PTPRJ: variants seen among roughly 807,000 people sequenced by gnomAD.
PTPRJ encodes protein tyrosine phosphatase receptor type J.
In PTPRJ, 129 loss-of-function variants were observed where a neutral mutation model predicts 141.3. That is an observed-to-expected ratio of 0.91 (90% CI 0.79 to 1.06). PTPRJ has a LOEUF of 1.06. Among genes scored for constraint, PTPRJ ranks in the 50% least tolerant of loss-of-function variants. The pLI is 0.00. For missense variants in PTPRJ, 1,601 were observed against 1,679.7 expected, an observed-to-expected ratio of 0.95 and a Z score of 0.82; for synonymous variants, 610 against 640.5, an observed-to-expected ratio of 0.95 and a Z score of 0.72.
intron 1 of PTPRJ, among the ~76,000 whole-genome samples, chr11:48,066,010 G>A (rs749634741): frequency 1.3e-5 from 2 of 152,160 alleles, no homozygotes; most frequent in African/African-American, 2.4e-5. Context: ...AGCTGGGCAC[G>A]GTGGTGTGCA....
rs1050989335 is a variant in PTPRJ, at chr11:47,981,002, G to T, written c.90G>T (p.Leu30=). Residue 30 remains leucine, a synonymous_variant, in exon 1 of 25, where the codon CTG becomes CTT. Coordinates refer to ENST00000418331, the MANE Select transcript of PTPRJ (RefSeq NM_002843.4). ...CGCTGCTGCTGCTGCTGCTGCGCCT[G>T]GGCCAGGTAAGCGCCGGGTGGGCTC... ...ALPLLLLLLR[L]GQILCAGGTP... 39 of 1,214,274 alleles carry T rather than the reference G, an allele frequency of 3.2e-5. No homozygotes were observed. The highest frequency in any genetic ancestry group is 4.4e-5 in the Admixed American group (1 of 22,968). The allele number at this position is 1,214,274 out of a possible 1,614,324, so 75.2% of individuals were successfully genotyped here.
At chr11:48,144,954 T>A (rs777969197) in intron 13 of PTPRJ, 46 bp from the exon 14 acceptor site, 8 of 1,614,142 alleles carry the variant, frequency 5.0e-6, no homozygotes, top group Admixed American at 3.3e-5. Flanking sequence ...ATGCCTGCGG[T>A]CAGACACGTC....
At chr11:48,105,088 A>G (rs753223232) in intron 1 of PTPRJ, among the ~76,000 whole-genome samples, 141 of 152,194 alleles carry the variant, frequency 9.3e-4, no homozygotes, top group Non-Finnish European at 1.4e-3. Context: ...TAATAAGTAG[A>G]ATGGAACAGC....
At chr11:48,027,360 GAT>G (rs1853844884) in intron 1 of PTPRJ, among the ~76,000 whole-genome samples, 1 of 151,986 alleles carries the variant, frequency 6.6e-6, no homozygotes, top group Non-Finnish European at 1.5e-5. Flanking sequence ...AAGAACCCAG[GAT>G]ATAGAGTCTT....
chr11:48,137,094 C>T lies in PTPRJ; in HGVS notation c.1965C>T (p.Tyr655=). 6.2e-7 allele frequency: 1 copy of T among 1,607,106 alleles called. No individual in the cohort carries two copies. The highest frequency in any genetic ancestry group is 8.5e-7 in the Non-Finnish European group (1 of 1,173,582). The change falls in exon 10 of 25, where the codon TAC becomes TAT. Residue 655 remains tyrosine (Y), a synonymous_variant. Transcript: ENST00000418331. The stretch of plus-strand genomic sequence containing the variant: ...ACTTTGATGACGCCTCTCCCACGTA[C>T]TCCTACTGCCTTCTTATTGAGAAGG... ...WQNFDDASPT[Y]SYCLLIEKAG...
intron 24 of PTPRJ, among the ~76,000 whole-genome samples, chr11:48,165,925 A>G (rs1055439661): frequency 1.3e-5 from 2 of 150,426 alleles, no homozygotes; most frequent in African/African-American, 4.9e-5. Context: ...CAGTGGTGCG[A>G]TCTCGGCTCA....
intron 1 of PTPRJ, among the ~76,000 whole-genome samples, chr11:48,009,360 C>T (rs1167332658): frequency 1.3e-5 from 2 of 152,182 alleles, no homozygotes; most frequent in Non-Finnish European, 2.9e-5. Context: ...CTTTGGGAGG[C>T]CGAGGCAGGT....
chr11:48,074,489 A>T (rs1362475720), intron 1 of PTPRJ, among the ~76,000 whole-genome samples: 1 of 152,226 alleles, frequency 6.6e-6, no homozygotes, highest in African/African-American at 2.4e-5. Context: ...ATAAACCAGC[A>T]TCATTTAGGG....
chr11:47,993,128 G>A (rs565101349), intron 1 of PTPRJ, among the ~76,000 whole-genome samples: 45 of 152,318 alleles, frequency 3.0e-4, no homozygotes, highest in African/African-American at 1.0e-3. Context: ...ACTTCAGGAA[G>A]GGAAGTGGGC....
At chr11:48,160,643 T>C (rs1857745192) in intron 22 of PTPRJ, among the ~76,000 whole-genome samples, 1 of 152,194 alleles carries the variant, frequency 6.6e-6, no homozygotes, top group Admixed American at 6.5e-5. Flanking sequence ...TGCATTGGCA[T>C]AACTCTCTGC....
intron 1 of PTPRJ, among the ~76,000 whole-genome samples, chr11:47,985,679 T>C (rs1420662359): frequency 3.0e-5 from 4 of 133,978 alleles, no homozygotes; most frequent in South Asian, 2.3e-4. Context: ...GACATTTATT[T>C]ATTTATTTAT....
chr11:48,093,585 A>G (rs1311386402), intron 1 of PTPRJ, among the ~76,000 whole-genome samples: 1 of 152,104 alleles, frequency 6.6e-6, no homozygotes, highest in Admixed American at 6.6e-5. Context: ...ACTAAATGAA[A>G]CCCGGAAATG....
At chr11:48,001,907 C>G (rs1049144505) in intron 1 of PTPRJ, among the ~76,000 whole-genome samples, 2 of 152,160 alleles carry the variant, frequency 1.3e-5, no homozygotes, top group Non-Finnish European at 2.9e-5. Flanking sequence ...TTGACATTTA[C>G]TCTCCTGGTG....
In PTPRJ at chr11:48,136,268, G is replaced by A. The variant is rs749215508; in HGVS notation, c.1845G>A (p.Gly615=). The change falls in exon 9 of 25, where the codon GGG becomes GGA. Residue 615 remains glycine, a synonymous_variant. Transcript: ENST00000418331. ...TISPEVDHVW[G]DPNSTAQYTR... ...CTCCAGAAGTGGACCACGTCTGGGGGGACCCCAACTCCACTGCACAGTACA... is the reference window on the plus strand; with the variant it reads ...CTCCAGAAGTGGACCACGTCTGGGGAGACCCCAACTCCACTGCACAGTACA... 9 of 1,614,138 alleles carry A rather than the reference G, an allele frequency of 5.6e-6. No homozygotes were observed. In the South Asian group the frequency reaches 7.7e-5, roughly 14 times the overall value.
chr11:48,096,453 G>A (rs1258042093), intron 1 of PTPRJ, among the ~76,000 whole-genome samples: 3 of 152,268 alleles, frequency 2.0e-5, no homozygotes, highest in Non-Finnish European at 2.9e-5. Flanking sequence ...AGTTTACAGG[G>A]CATCGGAGGG....
intron 1 of PTPRJ, among the ~76,000 whole-genome samples, chr11:48,035,457 C>G (rs1226054545): frequency 6.6e-6 from 1 of 151,846 alleles, no homozygotes; most frequent in African/African-American, 2.4e-5. Flanking sequence ...CTGGTGAGCC[C>G]CCGGGATGAT....
At chr11:48,039,853 A>G (rs1422420794) in intron 1 of PTPRJ, among the ~76,000 whole-genome samples, 3 of 150,220 alleles carry the variant, frequency 2.0e-5, no homozygotes, top group African/African-American at 7.4e-5. Context: ...CAGTAGTGTG[A>G]TCTTGGCTCA....
intron 1 of PTPRJ, among the ~76,000 whole-genome samples, chr11:48,085,642 G>A (rs1267686050): frequency 9.9e-5 from 15 of 152,162 alleles, no homozygotes; most frequent in Non-Finnish European, 2.2e-4. Context: ...GCGGGCATGA[G>A]CCACCATGCC....
At chr11:48,141,565 G>A (rs1220796978) in intron 11 of PTPRJ, among the ~76,000 whole-genome samples, 3 of 152,126 alleles carry the variant, frequency 2.0e-5, no homozygotes, top group South Asian at 2.1e-4. Flanking sequence ...CATTTGCTCC[G>A]TCTTTGCTCT....
Sources: gnomAD v4.1 joint callset for allele counts (sites outside exome capture counted in the v4.1 genomes callset) on GRCh38, gnomAD v4.1.1 for gene constraint, MANE v1.5 for transcripts, NCBI Gene and HGNC (gene_info 2026-07-23, HGNC 2026-07-21) for gene names.